The following IQCM variants were observed in gnomAD, a reference collection of about 807,000 sequenced individuals.
The protein encoded by IQCM is IQ domain-containing protein M.
In IQCM, 45 loss-of-function variants were observed where a neutral mutation model predicts 57.6. The observed-to-expected ratio is 0.78, with a 90% CI of 0.62 to 1.00. The LOEUF (loss-of-function observed/expected upper bound fraction) is 1.00, where lower values mean the gene tolerates loss of function less well. IQCM is among the 50% of genes least tolerant of loss of function. IQCM has a pLI of 0.00. For missense variants in IQCM, 468 were observed against 511.6 expected (o/e 0.91, Z 0.82); for synonymous variants, 148 against 158.9 (o/e 0.93, Z 0.51).
intron 13 of IQCM, among the ~76,000 whole-genome samples, chr4:149,359,107 C>A (rs537210651): frequency 6.6e-6 from 1 of 152,174 alleles, no homozygotes; most frequent in African/African-American, 2.4e-5. Flanking sequence ...GTTTGGTGTT[C>A]CAGTTCATGT....
chr4:149,559,984 C>T (rs1284363587), intron 10 of IQCM, among the ~76,000 whole-genome samples: 1 of 152,144 alleles, frequency 6.6e-6, no homozygotes, highest in African/African-American at 2.4e-5. Context: ...GAATCTAATG[C>T]CTGATGATCT....
intron 8 of IQCM, among the ~76,000 whole-genome samples, chr4:149,593,668 C>G (rs181461232): frequency 6.6e-6 from 1 of 152,026 alleles, no homozygotes; most frequent in African/African-American, 2.4e-5. Flanking sequence ...TAGCATGAAG[C>G]GTTGTTGAAT....
chr4:149,578,030 T>C (rs562650934), intron 9 of IQCM, among the ~76,000 whole-genome samples: 2 of 151,906 alleles, frequency 1.3e-5, no homozygotes, highest in African/African-American at 2.4e-5. Context: ...AGCTTGGACA[T>C]TGGTGAATAG....
At chr4:149,773,385 A>G (rs1378268094) in intron 2 of IQCM, among the ~76,000 whole-genome samples, 1 of 152,044 alleles carries the variant, frequency 6.6e-6, no homozygotes, top group African/African-American at 2.4e-5. Context: ...ATATCCACCA[A>G]ATAGATCGAA....
intron 13 of IQCM, among the ~76,000 whole-genome samples, chr4:149,396,548 T>C (rs988246784): frequency 2.0e-5 from 3 of 152,050 alleles, no homozygotes; most frequent in Non-Finnish European, 4.4e-5. Flanking sequence ...AGGTCATTAT[T>C]GTTCTTTTAA....
intron 2 of IQCM, among the ~76,000 whole-genome samples, chr4:149,811,434 T>A (rs967221975): frequency 6.6e-6 from 1 of 152,172 alleles, no homozygotes; most frequent in Non-Finnish European, 1.5e-5. Context: ...AATATCAAGA[T>A]ATATATTAAA....
chr4:149,811,372 T>G (rs992732447), intron 2 of IQCM, among the ~76,000 whole-genome samples: 1 of 152,218 alleles, frequency 6.6e-6, no homozygotes, highest in African/African-American at 2.4e-5. Context: ...TACATAGTAC[T>G]GTATGTTTGT....
At chr4:149,513,745 G>C (rs1744659780) in intron 12 of IQCM, among the ~76,000 whole-genome samples, 1 of 152,128 alleles carries the variant, frequency 6.6e-6, no homozygotes, top group African/African-American at 2.4e-5. Context: ...CTAGGTTGAA[G>C]TATAATCACA....
chr4:149,444,453 T>C lies in IQCM; in HGVS notation c.1229-10896A>G, dbSNP rs572321338. On this transcript the variant is annotated intron_variant, in intron 12 of 13. Coordinates refer to ENST00000636793, the MANE Select transcript of IQCM (RefSeq NM_001363507.2). ...TTGTGCATGATATTTCCTGGAAATA[T>C]AAGACAACTTGGGTTATTTCCCTTT... is the stretch of plus-strand genomic sequence containing the variant. Among the ~76,000 whole-genome samples, 45 of 152,038 alleles carry C rather than the reference T, an allele frequency of 3.0e-4. No homozygotes were observed. In the Middle Eastern group the frequency reaches 0.014, roughly 46 times the overall value.
At chr4:149,728,027 T>C (rs1766112356) in intron 5 of IQCM, among the ~76,000 whole-genome samples, 2 of 152,034 alleles carry the variant, frequency 1.3e-5, no homozygotes, top group Admixed American at 1.3e-4. Context: ...CAGGACTTCC[T>C]CCCTCCCCTC....
chr4:149,455,436 A>ATGAC (rs1737589914), intron 12 of IQCM, among the ~76,000 whole-genome samples: 1 of 152,026 alleles, frequency 6.6e-6, no homozygotes, highest in Non-Finnish European at 1.5e-5. Context: ...GGTAGAACAT[A>ATGAC]TGACTGTTCA....
chr4:149,653,902 G>A (rs968405290), intron 7 of IQCM, among the ~76,000 whole-genome samples: 1 of 151,998 alleles, frequency 6.6e-6, no homozygotes, highest in East Asian at 1.9e-4. Context: ...GGAAAAAAAT[G>A]TACTATATTT....
intron 12 of IQCM, among the ~76,000 whole-genome samples, chr4:149,473,601 T>C (rs1269537233): frequency 6.6e-6 from 1 of 152,156 alleles, no homozygotes; most frequent in Non-Finnish European, 1.5e-5. Context: ...GAAATACCAT[T>C]TGACCCAGCC....
chr4:149,762,796 C>T (rs1769660338), intron 2 of IQCM, among the ~76,000 whole-genome samples: 1 of 152,024 alleles, frequency 6.6e-6, no homozygotes, highest in Non-Finnish European at 1.5e-5. Context: ...TAACATTTAA[C>T]AAACAAATTG....
chr4:149,636,592 A>G (rs562431394), intron 7 of IQCM, among the ~76,000 whole-genome samples: 1 of 152,274 alleles, frequency 6.6e-6, no homozygotes, highest in South Asian at 2.1e-4. Context: ...CCACCTCTAC[A>G]CTGATAGCAG....
chr4:149,364,341 T>C (rs1050592818), intron 13 of IQCM, among the ~76,000 whole-genome samples: 43 of 152,122 alleles, frequency 2.8e-4, no homozygotes, highest in Non-Finnish European at 5.1e-4. Context: ...ACAGAACATA[T>C]CACAGCTCAA....
intron 2 of IQCM, among the ~76,000 whole-genome samples, chr4:149,763,451 G>T (rs1312452201): frequency 6.6e-6 from 1 of 152,040 alleles, no homozygotes; most frequent in Non-Finnish European, 1.5e-5. Context: ...GCTTAGAAAA[G>T]CACAATGAGT....
At chr4:149,653,036 G>A (rs1369858533) in intron 7 of IQCM, among the ~76,000 whole-genome samples, 1 of 152,092 alleles carries the variant, frequency 6.6e-6, no homozygotes, top group Admixed American at 6.6e-5. Context: ...GAAAAATGTT[G>A]ACAAAATATT....
chr4:149,411,344 T>C lies in IQCM; in HGVS notation c.1390+22052A>G, dbSNP rs543187935. 4.9e-4 allele frequency among the ~76,000 whole-genome samples: 74 copies of C among 152,312 alleles called. 1 individual carries two copies. In the South Asian group the frequency reaches 0.015, roughly 32 times the overall value. The stretch of plus-strand genomic sequence containing the variant: ...ACAGTTCAAAATATGTTTGTATTTT[T>C]ACACATATTTTGGTTATGAAAGAAG... On this transcript the variant is annotated intron_variant, in intron 13 of 13. Transcript: ENST00000636793.
Sources: allele counts gnomAD v4.1 joint callset (sites outside exome capture counted in the v4.1 genomes callset), GRCh38; gene constraint gnomAD v4.1.1; transcripts MANE v1.5; gene names NCBI Gene and HGNC (gene_info 2026-07-23, HGNC 2026-07-21).